MAP4K5: variants seen among roughly 807,000 people sequenced by gnomAD.
MAP4K5 encodes mitogen-activated protein kinase kinase kinase kinase 5, also known as MAPK/ERK kinase kinase kinase 5.
Under a neutral mutation model 135.6 loss-of-function variants are expected in MAP4K5, and 82 were observed. The observed-to-expected ratio is 0.60, with a 90% CI of 0.51 to 0.73. MAP4K5 has a LOEUF of 0.73. MAP4K5 is among the 30% of genes least tolerant of loss of function. MAP4K5 has a pLI of 0.00. For missense variants in MAP4K5, 907 were observed against 1,010.9 expected, an observed-to-expected ratio of 0.90 and a Z score of 1.39; for synonymous variants, 347 against 335.0, an observed-to-expected ratio of 1.04 and a Z score of -0.39.
At chr14:50,475,598 T>G (rs1040327685) in intron 8 of MAP4K5, among the ~76,000 whole-genome samples, 1 of 152,166 alleles carries the variant, frequency 6.6e-6, no homozygotes. Context: ...TCCCTGCTAC[T>G]TGGGAGGATT....
chr14:50,530,237 T>C (rs997378788), intron 2 of MAP4K5, among the ~76,000 whole-genome samples: 25 of 152,258 alleles, frequency 1.6e-4, no homozygotes, highest in African/African-American at 5.8e-4. Context: ...GAAGAGAGAC[T>C]AGGGCAGGAA....
At chr14:50,527,083 G>GTT (rs1325057000) in intron 2 of MAP4K5, among the ~76,000 whole-genome samples, 1 of 152,212 alleles carries the variant, frequency 6.6e-6, no homozygotes, top group Non-Finnish European at 1.5e-5. Flanking sequence ...GGCTCACCCT[G>GTT]TAATTCCAGC....
At position 50,486,178 on chromosome 14, in the gene MAP4K5, C is replaced by A; in HGVS notation, c.183G>T (p.Leu61Phe). The change falls in exon 4 of 33, where the codon TTG (leucine) becomes TTT (phenylalanine). Residue 61 changes from leucine (L) to phenylalanine (F), a missense_variant. Leu to Phe is a conservative substitution (Grantham distance 22). This residue lies in a region of MAP4K5 where 196 missense variants were observed against 189.3 expected (regional missense o/e 1.04). Transcript: ENST00000682126. The part of the protein sequence containing the change: ...IKLEPGDDFS[L>F]IQQEIFMVKE... ...TAACCATAAATATTTCTTGTTGAAT[C>A]AAAGAAAAATCATCTCCTGGAAAAC... The A allele has an allele frequency of 7.6e-7, 1 of 1,308,342 alleles. No individual in the cohort carries two copies. The highest frequency in any genetic ancestry group is 1.1e-6 in the Non-Finnish European group (1 of 945,402). 81.0% of individuals were successfully genotyped at this position (1,308,342 alleles called of 1,614,324 possible). A position where few individuals can be genotyped will look rare whatever the true frequency, so the allele number is the denominator to read the frequency against.
At chr14:50,534,387 A>C (rs1454419334), upstream of MAP4K5, among the ~76,000 whole-genome samples, 3 of 152,256 alleles carry the variant, frequency 2.0e-5, no homozygotes, top group African/African-American at 7.2e-5. Flanking sequence ...GATCAAGAAG[A>C]GGCATATATT....
chr14:50,495,603 T>G (rs1047551532), intron 3 of MAP4K5, among the ~76,000 whole-genome samples: 12 of 152,230 alleles, frequency 7.9e-5, no homozygotes, highest in Non-Finnish European at 1.5e-5. Flanking sequence ...AAAGAGAGAT[T>G]TGTACACCCA....
At chr14:50,552,278 A>T (rs1374665518) in intron 1 of MAP4K5, among the ~76,000 whole-genome samples, 1 of 151,898 alleles carries the variant, frequency 6.6e-6, no homozygotes, top group Non-Finnish European at 1.5e-5. Flanking sequence ...AAAAAAAATT[A>T]ATTAAATAAA....
At chr14:50,491,743 T>C (rs992129414) in intron 3 of MAP4K5, among the ~76,000 whole-genome samples, 2 of 151,646 alleles carry the variant, frequency 1.3e-5, no homozygotes, top group East Asian at 1.9e-4. Flanking sequence ...TAGAGTACAG[T>C]GGCACGATCT....
At position 50,466,606 on chromosome 14, in the gene MAP4K5, T is replaced by C. The variant is rs559726539; in HGVS notation, c.714A>G (p.Pro238=). The C allele has an allele frequency of 2.4e-5, 35 of 1,462,804 alleles. No homozygotes were observed. In the African/African-American group the frequency reaches 4.1e-4, roughly 17 times the overall value. 90.6% of individuals were successfully genotyped at this position (1,462,804 alleles called of 1,614,324 possible). The part of the protein sequence containing the change: ...FLMSKSNFQP[P]KLKDKTKWSS... ...ACCATTTTGTTTTGTCCTTTAGTTTTGGAGGCTGAAAATTACTTTTTGACA... is the reference window on the plus strand; with the variant it reads ...ACCATTTTGTTTTGTCCTTTAGTTTCGGAGGCTGAAAATTACTTTTTGACA... The change falls in exon 11 of 33, where the codon CCA becomes CCG. Residue 238 remains proline (P), a synonymous_variant. Coordinates refer to ENST00000682126, the MANE Select transcript of MAP4K5 (RefSeq NM_006575.6).
intron 2 of MAP4K5, among the ~76,000 whole-genome samples, chr14:50,509,862 A>C (rs965853178): frequency 3.3e-5 from 5 of 152,218 alleles, no homozygotes; most frequent in African/African-American, 1.2e-4. Context: ...GAAAACAGAA[A>C]AACATCTTTG....
intron 5 of MAP4K5, among the ~76,000 whole-genome samples, chr14:50,484,561 T>A (rs939277567): frequency 6.6e-6 from 1 of 152,216 alleles, no homozygotes; most frequent in Non-Finnish European, 1.5e-5. Context: ...CAGTATGTTA[T>A]ACATATTCTT....
chr14:50,465,494 A>G (rs1053451425), intron 11 of MAP4K5, among the ~76,000 whole-genome samples: 2 of 152,238 alleles, frequency 1.3e-5, no homozygotes, highest in Non-Finnish European at 2.9e-5. Context: ...TGTAAGAGAA[A>G]GAAGGGATCA....
intron 1 of MAP4K5, among the ~76,000 whole-genome samples, chr14:50,551,976 A>T (rs1174611834): frequency 6.6e-6 from 1 of 152,186 alleles, no homozygotes; most frequent in East Asian, 1.9e-4. Context: ...CACTTTCACC[A>T]CTTCTACTCA....
At chr14:50,486,076 A>G in intron 4 of MAP4K5, 28 bp downstream of exon 4, 1 of 815,702 alleles carries the variant, frequency 1.2e-6, no homozygotes, top group South Asian at 1.6e-5. Flanking sequence ...TAAAATACAG[A>G]GAGAGATGAT....
chr14:50,537,128 A>G (rs1365586424), upstream of MAP4K5, among the ~76,000 whole-genome samples: 1 of 152,198 alleles, frequency 6.6e-6, no homozygotes, highest in Non-Finnish European at 1.5e-5. Context: ...GGCTAGGCCC[A>G]GGGTCCCTGT....
At chr14:50,480,728 T>C (rs969498134) in intron 6 of MAP4K5, among the ~76,000 whole-genome samples, 5 of 152,062 alleles carry the variant, frequency 3.3e-5, no homozygotes, top group African/African-American at 1.2e-4. Flanking sequence ...TCACAGAGGG[T>C]ACTTGCATAA....
chr14:50,450,427 T>C (rs1367936732), intron 14 of MAP4K5: 1 of 152,152 alleles, frequency 6.6e-6, no homozygotes, highest in Non-Finnish European at 1.5e-5. Context: ...GTAAGAGCCA[T>C]ATTTACCCTG....
intron 3 of MAP4K5, among the ~76,000 whole-genome samples, chr14:50,491,095 A>T (rs1289827767): frequency 6.6e-6 from 1 of 152,104 alleles, no homozygotes; most frequent in African/African-American, 2.4e-5. Flanking sequence ...CCTAACAAAT[A>T]GTACCTGGGA....
In MAP4K5 at chr14:50,505,445, T is replaced by C. The variant is rs777302942; in HGVS notation, c.109-588A>G. On this transcript the variant is annotated intron_variant, in intron 2 of 32. Coordinates refer to ENST00000682126, the MANE Select transcript of MAP4K5 (RefSeq NM_006575.6). Reference sequence around the variant, plus strand: ...CAATTTTAATATTATTTTCAAGTTATAAAAATAGGGATACATATATCTTAG... The same window carrying C: ...CAATTTTAATATTATTTTCAAGTTACAAAAATAGGGATACATATATCTTAG... 1.2e-4 allele frequency among the ~76,000 whole-genome samples: 19 copies of C among 152,156 alleles called. 1 individual carries two copies. The highest frequency in any genetic ancestry group is 4.1e-4 in the South Asian group (2 of 4,834).
intron 2 of MAP4K5, among the ~76,000 whole-genome samples, chr14:50,520,914 C>T (rs923991224): frequency 2.0e-5 from 3 of 151,814 alleles, no homozygotes; most frequent in Middle Eastern, 3.2e-3. Context: ...CCTCCACCTC[C>T]CAGTTCAAGT....
Sources: gnomAD v4.1 joint callset for allele counts (sites outside exome capture counted in the v4.1 genomes callset) on GRCh38, gnomAD v4.1.1 for gene constraint, gnomAD v4.1.1 regional missense constraint, MANE v1.5 for transcripts, NCBI Gene and HGNC (gene_info 2026-07-23, HGNC 2026-07-21) for gene names.